Variants in SLC4A4 observed in about 807,000 individuals in gnomAD.
SLC4A4 encodes electrogenic sodium bicarbonate cotransporter 1.
SLC4A4 carries 27 observed loss-of-function variants against 111.5 expected under a neutral mutation model. The observed-to-expected ratio is 0.24, with a 90% CI of 0.18 to 0.33. SLC4A4 has a LOEUF of 0.33. SLC4A4 is among the 10% of genes least tolerant of loss of function. The pLI is 1.00. For missense variants in SLC4A4, 909 were observed against 1,315.5 expected (o/e 0.69, Z 4.78); for synonymous variants, 443 against 463.4 (o/e 0.96, Z 0.57).
At chr4:71,328,180 G>C (rs1373219261) in intron 3 of SLC4A4, among the ~76,000 whole-genome samples, 1 of 151,986 alleles carries the variant, frequency 6.6e-6, no homozygotes, top group Non-Finnish European at 1.5e-5. Flanking sequence ...TGGCTGAATA[G>C]TACTCCATTG....
chr4:71,187,148 C>T (rs2148991422), upstream of SLC4A4: 1 of 151,900 alleles, frequency 6.6e-6, no homozygotes, highest in Non-Finnish European at 1.5e-5. Context: ...GCGCGGGTGA[C>T]TGGCGCCCCG....
intron 15 of SLC4A4, among the ~76,000 whole-genome samples, chr4:71,487,429 G>A (rs1239524726): frequency 2.0e-5 from 3 of 151,620 alleles, no homozygotes; most frequent in African/African-American, 4.8e-5. Context: ...TCTTCACTAA[G>A]AGTGATTGTA....
intron 2 of SLC4A4, among the ~76,000 whole-genome samples, chr4:71,157,709 A>G (rs1313585261): frequency 1.3e-5 from 2 of 152,148 alleles, no homozygotes; most frequent in Non-Finnish European, 2.9e-5. Flanking sequence ...GATTTTGTGT[A>G]CCTTAGTTTG....
chr4:71,410,981 T>G, intron 7 of SLC4A4, among the ~76,000 whole-genome samples: 1 of 152,186 alleles, frequency 6.6e-6, no homozygotes, highest in Non-Finnish European at 1.5e-5. Flanking sequence ...CAAAGCACTG[T>G]GGGCATATAT....
At chr4:71,092,419 C>T (rs1742414198) in intron 1 of SLC4A4, among the ~76,000 whole-genome samples, 1 of 152,032 alleles carries the variant, frequency 6.6e-6, no homozygotes, top group Non-Finnish European at 1.5e-5. Context: ...ATTCCAAACC[C>T]TAGTAAGAAT....
chr4:71,267,791 C>CAAAAAAAA (rs71212002), intron 3 of SLC4A4, among the ~76,000 whole-genome samples: 11 of 62,360 alleles, frequency 1.8e-4, no homozygotes, highest in African/African-American at 8.7e-4. Context: ...GAGAGTCTGC[C>CAAAAAAAA]AAAAAAAAAA....
chr4:71,455,264 G>T (rs1577947267), intron 12 of SLC4A4, among the ~76,000 whole-genome samples: 1 of 152,148 alleles, frequency 6.6e-6, no homozygotes, highest in African/African-American at 2.4e-5. Context: ...TGTTACCAGT[G>T]AGAGATCTGC....
intron 6 of SLC4A4, among the ~76,000 whole-genome samples, chr4:71,381,904 G>A (rs1374303062): frequency 3.9e-5 from 6 of 152,158 alleles, no homozygotes; most frequent in Non-Finnish European, 2.9e-5. Flanking sequence ...AGTGAGAAGT[G>A]CTTGTAGAGA....
intron 2 of SLC4A4, among the ~76,000 whole-genome samples, chr4:71,160,400 C>T (rs1347228694): frequency 6.6e-6 from 1 of 151,682 alleles, no homozygotes; most frequent in Non-Finnish European, 1.5e-5. Context: ...TTGTTCAGCG[C>T]CATTTGGGTA....
At chr4:71,457,998 T>C (rs1298432099) in intron 12 of SLC4A4, among the ~76,000 whole-genome samples, 1 of 152,152 alleles carries the variant, frequency 6.6e-6, no homozygotes, top group East Asian at 1.9e-4. Context: ...TATTGTTATA[T>C]TGTTATGTTT....
intron 2 of SLC4A4, among the ~76,000 whole-genome samples, chr4:71,247,930 G>C (rs1270914871): frequency 1.3e-5 from 2 of 152,104 alleles, no homozygotes; most frequent in Non-Finnish European, 2.9e-5. Flanking sequence ...AGGACTTACA[G>C]ACCTGTTTCC....
At chr4:71,507,226 T>A (rs1210821185) in intron 16 of SLC4A4, among the ~76,000 whole-genome samples, 1 of 152,042 alleles carries the variant, frequency 6.6e-6, no homozygotes, top group African/African-American at 2.4e-5. Context: ...GATGACAGGA[T>A]CAAATCCATA....
At chr4:71,292,082 G>T (rs1227904247) in intron 3 of SLC4A4, among the ~76,000 whole-genome samples, 1 of 152,040 alleles carries the variant, frequency 6.6e-6, no homozygotes, top group Non-Finnish European at 1.5e-5. Context: ...AAAAAGAAGA[G>T]AAATTTGTAG....
rs1398349947 is a variant in SLC4A4, at chr4:71,514,232, G to T, written c.2166+16540G>T. ...TGTAATCTCCAGTGTCAGAGGTGGG[G>T]TTGGATTATGGGAGCAAATTTCCCC... is the stretch of plus-strand genomic sequence containing the variant. On this transcript the variant is annotated intron_variant, in intron 16 of 25. Transcript: ENST00000264485. 3.9e-5 allele frequency among the ~76,000 whole-genome samples: 6 copies of T among 152,160 alleles called. No individual in the cohort carries two copies. In the East Asian group the frequency reaches 1.2e-3, roughly 29 times the overall value.
At chr4:71,179,920 C>T (rs1745232228) in intron 2 of SLC4A4, among the ~76,000 whole-genome samples, 1 of 152,166 alleles carries the variant, frequency 6.6e-6, no homozygotes, top group African/African-American at 2.4e-5. Flanking sequence ...AAGAACCAAG[C>T]TGGAGGCATC....
At chr4:71,199,268 G>A (rs931834127) in intron 1 of SLC4A4, among the ~76,000 whole-genome samples, 2 of 152,136 alleles carry the variant, frequency 1.3e-5, no homozygotes, top group Non-Finnish European at 2.9e-5. Context: ...TAGTGTAAAT[G>A]CATTGTTACA....
chr4:71,194,618 AAC>A (rs1745901397), intron 1 of SLC4A4, among the ~76,000 whole-genome samples: 1 of 152,162 alleles, frequency 6.6e-6, no homozygotes. Context: ...GCCTCCAAGT[AAC>A]ACACACGACT....
intron 1 of SLC4A4, among the ~76,000 whole-genome samples, chr4:71,228,975 C>A (rs1719225477): frequency 6.6e-6 from 1 of 152,192 alleles, no homozygotes; most frequent in Non-Finnish European, 1.5e-5. Flanking sequence ...ACGATTTTAT[C>A]ACCTATGTTG....
At chr4:71,467,788 T>C (rs1448099291) in intron 13 of SLC4A4, among the ~76,000 whole-genome samples, 5 of 152,154 alleles carry the variant, frequency 3.3e-5, no homozygotes, top group Non-Finnish European at 7.4e-5. Flanking sequence ...TCTAATGTAG[T>C]TGATACCTCT....
Sources: allele counts gnomAD v4.1 joint callset (sites outside exome capture counted in the v4.1 genomes callset), GRCh38; gene constraint gnomAD v4.1.1; transcripts MANE v1.5; gene names NCBI Gene and HGNC (gene_info 2026-07-23, HGNC 2026-07-21).